CACNB4: variants seen among roughly 807,000 people sequenced by gnomAD.
CACNB4 encodes voltage-dependent L-type calcium channel subunit beta-4.
In CACNB4, 32 loss-of-function variants were observed where a neutral mutation model predicts 71.2. The observed-to-expected ratio is 0.45, with a 90% CI of 0.34 to 0.60. CACNB4 has a LOEUF of 0.60. CACNB4 is among the 20% of genes least tolerant of loss of function. CACNB4 has a pLI of 0.01. For missense variants in CACNB4, 464 were observed against 647.9 expected (o/e 0.72, Z 3.08); for synonymous variants, 231 against 236.9 (o/e 0.97, Z 0.23).
At chr2:152,010,663 G>A (rs1285333862) in intron 2 of CACNB4, among the ~76,000 whole-genome samples, 1 of 152,158 alleles carries the variant, frequency 6.6e-6, no homozygotes, top group Non-Finnish European at 1.5e-5. Context: ...ACGGTGCATG[G>A]GTCACTCTGC....
At chr2:152,073,188 G>A (rs912878917) in intron 2 of CACNB4, among the ~76,000 whole-genome samples, 3 of 152,308 alleles carry the variant, frequency 2.0e-5, no homozygotes, top group African/African-American at 7.2e-5. Context: ...GCAGTTGGCA[G>A]AGAGAATAAG....
At chr2:151,930,891 G>A (rs899064236) in intron 2 of CACNB4, among the ~76,000 whole-genome samples, 4 of 151,660 alleles carry the variant, frequency 2.6e-5, no homozygotes, top group African/African-American at 4.8e-5. Flanking sequence ...ACATTCATTT[G>A]CCCACTTAAT....
At chr2:151,983,877 G>A (rs543085818) in intron 2 of CACNB4, among the ~76,000 whole-genome samples, 8 of 152,214 alleles carry the variant, frequency 5.3e-5, no homozygotes, top group Non-Finnish European at 7.4e-5. Flanking sequence ...TGAACTTTGC[G>A]TGGGAGAGCA....
At chr2:152,025,431 G>A (rs16830615) in intron 2 of CACNB4, among the ~76,000 whole-genome samples, 11,145 of 152,292 alleles carry the variant, frequency 0.073, 433 homozygotes, top group African/African-American at 0.084. Flanking sequence ...CCAGATATGA[G>A]CACAAACTGG....
Position 151,895,096 on chromosome 2 carries a change from C to CCCCCCACACA in CACNB4, c.148-11727_148-11726insTGTGTGGGGG, listed in dbSNP as rs762464510. On this transcript the variant is annotated intron_variant, in intron 2 of 13. Coordinates refer to ENST00000539935, the MANE Select transcript of CACNB4 (RefSeq NM_000726.5). ...ATATGGAACCAGAACTCAAATAGCC[C>CCCCCCACACA]CACACACACACACACACACACACAC... is the stretch of plus-strand genomic sequence containing the variant. 9.4e-4 allele frequency among the ~76,000 whole-genome samples: 21 copies of CCCCCCACACA among 22,338 alleles called. 2 individuals carry two copies. The highest frequency in any genetic ancestry group is 1.7e-3 in the Admixed American group (2 of 1,190). The allele number at this position is 22,338 out of a possible 152,430, so 14.7% of individuals were successfully genotyped here.
chr2:151,977,221 C>A (rs2099873972), intron 2 of CACNB4, among the ~76,000 whole-genome samples: 1 of 152,188 alleles, frequency 6.6e-6, no homozygotes, highest in Non-Finnish European at 1.5e-5. Flanking sequence ...TCTGACTCAA[C>A]TCTTTTCCAG....
chr2:152,036,629 CATTA>C (rs1684610814), intron 2 of CACNB4, among the ~76,000 whole-genome samples: 1 of 152,108 alleles, frequency 6.6e-6, no homozygotes, highest in Admixed American at 6.5e-5. Flanking sequence ...TTTTTTACCA[CATTA>C]ATTTTTTTTA....
chr2:151,891,932 T>C (rs1308267689), intron 2 of CACNB4, among the ~76,000 whole-genome samples: 2 of 152,160 alleles, frequency 1.3e-5, no homozygotes, highest in African/African-American at 4.8e-5. Flanking sequence ...TCAACCTACA[T>C]GACAGGTGTG....
intron 2 of CACNB4, chr2:151,971,762 T>C (rs1220503652): frequency 4.8e-6 from 3 of 622,246 alleles, no homozygotes; most frequent in East Asian, 2.8e-5. Flanking sequence ...CCTCCGAACA[T>C]CTCTCTCTTC....
intron 4 of CACNB4, 57 bp from the exon 5 acceptor site, chr2:151,876,613 T>A (rs1212803738): frequency 1.0e-5 from 13 of 1,243,996 alleles, no homozygotes; most frequent in Non-Finnish European, 1.5e-5. Flanking sequence ...TCACGTTGTT[T>A]ATTAATCTTA....
chr2:151,962,537 A>G (rs147306323), intron 2 of CACNB4, among the ~76,000 whole-genome samples: 3 of 152,376 alleles, frequency 2.0e-5, no homozygotes, highest in African/African-American at 7.2e-5. Context: ...TGAATCATAA[A>G]TGAGAAAGGC....
intron 2 of CACNB4, chr2:151,968,123 T>C (rs1341362742): frequency 6.6e-6 from 1 of 152,244 alleles, no homozygotes; most frequent in Non-Finnish European, 1.5e-5. Context: ...CATTATTTTA[T>C]ATGAACTGTA....
At chr2:151,920,458 G>A (rs751487303) in intron 2 of CACNB4, among the ~76,000 whole-genome samples, 18 of 151,456 alleles carry the variant, frequency 1.2e-4, no homozygotes, top group Non-Finnish European at 2.5e-4. Context: ...GAGTAGCTGG[G>A]ACTACAGGCA....
intron 5 of CACNB4, among the ~76,000 whole-genome samples, chr2:151,875,949 C>T (rs1462957870): frequency 7.3e-4 from 94 of 128,504 alleles, no homozygotes; most frequent in African/African-American, 2.6e-3. Context: ...ACCTCCCGGA[C>T]GGGGCGGCTG....
chr2:151,971,394 AC>A, intron 2 of CACNB4: 1 of 634,352 alleles, frequency 1.6e-6, no homozygotes, highest in Non-Finnish European at 2.8e-6. Flanking sequence ...TGGTTCCCCA[AC>A]CCCCACCCCC....
chr2:151,919,618 G>C (rs977176928), intron 2 of CACNB4, among the ~76,000 whole-genome samples: 2 of 152,258 alleles, frequency 1.3e-5, no homozygotes, highest in Admixed American at 6.5e-5. Flanking sequence ...TCCAGAGAGA[G>C]AGCGCCTCCT....
chr2:151,949,240 C>A (rs1339448620), intron 2 of CACNB4, among the ~76,000 whole-genome samples: 1 of 151,350 alleles, frequency 6.6e-6, no homozygotes, highest in Admixed American at 6.6e-5. Context: ...AGGACTGACA[C>A]TCAGTTCAGT....
At chr2:152,076,286 C>T (rs1171352335) in intron 2 of CACNB4, among the ~76,000 whole-genome samples, 9 of 149,752 alleles carry the variant, frequency 6.0e-5, no homozygotes, top group Admixed American at 2.0e-4. Flanking sequence ...AGATTACAGG[C>T]TCCTGACACC....
intron 9 of CACNB4, among the ~76,000 whole-genome samples, chr2:151,862,803 G>T (rs1019941432): frequency 2.2e-4 from 34 of 152,206 alleles, no homozygotes; most frequent in Admixed American, 6.5e-5. Context: ...TATCGGGCCA[G>T]TGCCAAGTCA....
Sources: allele counts gnomAD v4.1 joint callset (sites outside exome capture counted in the v4.1 genomes callset), GRCh38; gene constraint gnomAD v4.1.1; transcripts MANE v1.5; gene names NCBI Gene and HGNC (gene_info 2026-07-23, HGNC 2026-07-21).